MYBPC1: variants seen among roughly 807,000 people sequenced by gnomAD.
The protein encoded by MYBPC1 is myosin binding protein C1, also known as myosin-binding protein C, slow-type.
A neutral mutation model predicts 147.1 loss-of-function variants in MYBPC1; 52 were observed. The observed-to-expected ratio is 0.35, with a 90% CI of 0.28 to 0.45. MYBPC1 has a LOEUF of 0.45. Ranked by LOEUF, MYBPC1 falls within the 20% of genes least tolerant of loss-of-function variation. The pLI is 1.00. For synonymous variants in MYBPC1, 477 were observed against 475.9 expected (o/e 1.00, Z -0.03); for missense variants, 1,228 against 1,440.3 (o/e 0.85, Z 2.39).
chr12:101,685,693 G>T lies in MYBPC1; in HGVS notation c.*131G>T. On this transcript the variant is annotated 3_prime_UTR_variant, in exon 32 of 32. Coordinates refer to ENST00000361466, the MANE Select transcript of MYBPC1 (RefSeq NM_002465.4). ...CCTGAGGAATACTGAGGGAGGGCCT[G>T]GCTACTGTCTCTCTGCACTCTGCTG... is the stretch of plus-strand genomic sequence containing the variant. 6.7e-7 allele frequency: 1 copy of T among 1,487,396 alleles called. No individual in the cohort carries two copies. Among genetic ancestry groups the T allele is most frequent in the South Asian group, 1.2e-5 (1 of 82,830 alleles). 92.1% of individuals were successfully genotyped at this position (1,487,396 alleles called of 1,614,324 possible). A position where few individuals can be genotyped will look rare whatever the true frequency, so the allele number is the denominator to read the frequency against.
intron 29 of MYBPC1, among the ~76,000 whole-genome samples, chr12:101,682,048 A>G (rs919326040): frequency 6.6e-6 from 1 of 152,148 alleles, no homozygotes; most frequent in African/African-American, 2.4e-5. Context: ...CTTACTATTG[A>G]GATAACCCTT....
At chr12:101,619,692 A>G (rs760290003) in intron 3 of MYBPC1, among the ~76,000 whole-genome samples, 2 of 152,220 alleles carry the variant, frequency 1.3e-5, no homozygotes, top group Non-Finnish European at 2.9e-5. Flanking sequence ...CTGTAAGACC[A>G]ACTTGCCTAA....
rs1044612268 is a variant in MYBPC1 at position 101,632,276 on chromosome 12, G to C, written c.556+138G>C. Reference sequence around the variant, plus strand: ...ACTGTTTCTGATTGTGGTAGTCTCAGCAAGCTTGCTGAATTGAATTGTAAT... The same window carrying C: ...ACTGTTTCTGATTGTGGTAGTCTCACCAAGCTTGCTGAATTGAATTGTAAT... On this transcript the variant is annotated intron_variant, in intron 8 of 31. Transcript: ENST00000361466. 15 of 717,778 alleles carry C rather than the reference G, an allele frequency of 2.1e-5. No homozygotes were observed. The African/African-American group carries it at 2.7e-4, about 13-fold the overall frequency. The allele number at this position is 717,778 out of a possible 1,614,324, so 44.5% of individuals were successfully genotyped here.
downstream of MYBPC1, among the ~76,000 whole-genome samples, chr12:101,690,638 G>T (rs542388901): frequency 3.0e-4 from 46 of 152,342 alleles, no homozygotes; most frequent in Non-Finnish European, 4.0e-4. Flanking sequence ...AAGACCCAAT[G>T]CTAAGAACCG....
chr12:101,608,185 CTG>C (rs774349755), intron 1 of MYBPC1, among the ~76,000 whole-genome samples: 14 of 152,160 alleles, frequency 9.2e-5, no homozygotes, highest in Non-Finnish European at 1.6e-4. Flanking sequence ...GAGAGAAAGT[CTG>C]TATATGTTCA....
At chr12:101,627,831 C>A in intron 5 of MYBPC1, 27 bp downstream of exon 5, 1 of 1,605,066 alleles carries the variant, frequency 6.2e-7, no homozygotes, top group Non-Finnish European at 8.5e-7. Context: ...AGAAGGCATC[C>A]TGACCTCATC....
intron 1 of MYBPC1, chr12:101,600,331 C>G (rs1433037774): frequency 6.6e-6 from 1 of 151,652 alleles, no homozygotes; most frequent in Non-Finnish European, 1.5e-5. Context: ...TGTATACACA[C>G]ACAATTCATA....
chr12:101,610,692 C>T lies in MYBPC1; in HGVS notation c.26-3804C>T, dbSNP rs567400608. ...TACTTGAGGAAATCGATGTGCACCCCACTCCTACAAATAGGGAGGGCAACA... is the reference window on the plus strand; with the variant it reads ...TACTTGAGGAAATCGATGTGCACCCTACTCCTACAAATAGGGAGGGCAACA... On this transcript the variant is annotated intron_variant, in intron 1 of 31. Transcript: ENST00000361466. 5.9e-5 allele frequency among the ~76,000 whole-genome samples: 9 copies of T among 152,260 alleles called. No individual in the cohort carries two copies. The South Asian group carries it at 1.9e-3, about 32-fold the overall frequency.
In MYBPC1 at chr12:101,663,517, A is replaced by T. The variant is rs1486843511; in HGVS notation, c.2313A>T (p.Ala771=). Residue 771 remains alanine (A), a synonymous_variant, in exon 22 of 32, where the codon GCA becomes GCT. Transcript: ENST00000361466. Reference sequence around the variant, plus strand: ...GGCGCCCCCCAGACCACATTGGTGCAGCAGGTTTAGATGGCTATGTGCTAG... The same window carrying T: ...GGCGCCCCCCAGACCACATTGGTGCTGCAGGTTTAGATGGCTATGTGCTAG... ...MRWRPPDHIG[A]AGLDGYVLEY... is the part of the protein sequence containing the mutation. 1 of 1,614,002 alleles carries T rather than the reference A, an allele frequency of 6.2e-7. No homozygotes were observed. The highest frequency in any genetic ancestry group is 8.5e-7 in the Non-Finnish European group (1 of 1,180,010).
rs1339873695 is a variant in MYBPC1 at position 101,644,726 on chromosome 12, G to T, written c.895G>T (p.Val299Leu). The change falls in exon 12 of 32, where the codon GTG becomes TTG. Residue 299 changes from valine (V) to leucine (L), a missense_variant. This residue lies in a region of MYBPC1 where 1,077 missense variants were observed against 1,314.2 expected (regional missense o/e 0.82). Transcript: ENST00000361466. ...CAAAGGAGGCAGAGTGAGGTTTGTT[G>T]TGGAGCTGGCAGATCCAAAGTTGGA... ...VDKGGRVRFV[V>L]ELADPKLEVK... 1 of 1,614,072 alleles carries T rather than the reference G, an allele frequency of 6.2e-7. No individual in the cohort carries two copies. The highest frequency in any genetic ancestry group is 1.1e-5 in the South Asian group (1 of 91,076).
intron 26 of MYBPC1, among the ~76,000 whole-genome samples, chr12:101,676,456 C>G (rs1477264330): frequency 1.3e-5 from 2 of 152,012 alleles, no homozygotes; most frequent in Non-Finnish European, 2.9e-5. Flanking sequence ...AAAAACAGAA[C>G]CAAAGTTAAT....
intron 27 of MYBPC1, 135 bp from the exon 28 acceptor site, chr12:101,677,967 C>A: frequency 8.9e-7 from 1 of 1,119,004 alleles, no homozygotes. Flanking sequence ...ATGTTTGCCA[C>A]ATGGCATTTG....
chr12:101,652,546 T>TTC lies in MYBPC1; in HGVS notation c.1527-119_1527-118dup, dbSNP rs1488597533. 223 of 573,174 alleles carry TTC rather than the reference T, an allele frequency of 3.9e-4. No individual in the cohort carries two copies. The Middle Eastern group carries it at 4.9e-3, about 13-fold the overall frequency. The allele number at this position is 573,174 out of a possible 1,614,324, so 35.5% of individuals were successfully genotyped here. On this transcript the variant is annotated intron_variant, in intron 16 of 31. Coordinates refer to ENST00000361466, the MANE Select transcript of MYBPC1 (RefSeq NM_002465.4). ...TCATCCTCTCTCTCTCTCTCTCTCT[T>TTC]TCTCTCTCTCTCTCCCTCTCTTTCC...
At chr12:101,691,487 A>G in the MYBPC1 span, among the ~76,000 whole-genome samples, 2 of 152,304 alleles carry the variant, frequency 1.3e-5, no homozygotes, top group African/African-American at 4.8e-5. Context: ...ATATGACATG[A>G]TTTAATATTT....
intron 18 of MYBPC1, among the ~76,000 whole-genome samples, chr12:101,659,044 AAAG>A (rs1384298251): frequency 1.7e-4 from 25 of 151,432 alleles, no homozygotes; most frequent in South Asian, 1.2e-3. Context: ...AAGTGAAAAA[AAAG>A]AAGAAGAAAA....
intron 12 of MYBPC1, among the ~76,000 whole-genome samples, chr12:101,645,663 T>G (rs746165869): frequency 5.3e-5 from 8 of 152,234 alleles, no homozygotes; most frequent in Non-Finnish European, 1.0e-4. Context: ...ATAATTTTAA[T>G]TGGTTATCTT....
chr12:101,666,367 C>A, intron 22 of MYBPC1: 1 of 280,522 alleles, frequency 3.6e-6, no homozygotes, highest in South Asian at 3.9e-5. Flanking sequence ...TAGACTGTCT[C>A]ACTGTGCGCT....
chr12:101,619,953 G>A (rs1281960050), intron 3 of MYBPC1, among the ~76,000 whole-genome samples: 2 of 152,188 alleles, frequency 1.3e-5, no homozygotes, highest in African/African-American at 4.8e-5. Flanking sequence ...CTTAGAAGTA[G>A]TATTTGTGAT....
At chr12:101,601,660 C>T (rs1408282524) in intron 1 of MYBPC1, among the ~76,000 whole-genome samples, 2 of 152,194 alleles carry the variant, frequency 1.3e-5, no homozygotes, top group African/African-American at 4.8e-5. Flanking sequence ...CAATTTGGCA[C>T]ATCAGGGCAG....
Sources: gnomAD v4.1 joint callset for allele counts (sites outside exome capture counted in the v4.1 genomes callset) on GRCh38, gnomAD v4.1.1 for gene constraint, gnomAD v4.1.1 regional missense constraint, MANE v1.5 for transcripts, NCBI Gene and HGNC (gene_info 2026-07-23, HGNC 2026-07-21) for gene names.